CACNA1D: variants seen among roughly 807,000 people sequenced by gnomAD.
CACNA1D encodes the protein voltage-dependent L-type calcium channel subunit alpha-1D.
Under a neutral mutation model 257.1 loss-of-function variants are expected in CACNA1D, and 55 were observed. That is an observed-to-expected ratio of 0.21 (90% CI 0.17 to 0.27). CACNA1D has a LOEUF of 0.27. Ranked by LOEUF, CACNA1D falls within the 10% of genes least tolerant of loss-of-function variation. CACNA1D has a pLI of 1.00. For missense variants in CACNA1D, 1,876 were observed against 2,784.0 expected (o/e 0.67, Z 7.34); for synonymous variants, 980 against 1,014.9 (o/e 0.97, Z 0.65).
At position 53,723,543 on chromosome 3, in the gene CACNA1D, C is replaced by T. The variant is rs1375926970; in HGVS notation, c.1776C>T (p.Cys592=). The part of the protein sequence containing the change: ...YFVSLFNRFD[C]FVVCGGITET... Reference sequence around the variant, plus strand: ...TCTCTCTTTTCAACCGGTTTGATTGCTTCGTGGTGTGTGGTGGAATCACTG... The same window carrying T: ...TCTCTCTTTTCAACCGGTTTGATTGTTTCGTGGTGTGTGGTGGAATCACTG... The change falls in exon 13 of 48, where the codon TGC becomes TGT. Residue 592 remains cysteine, a synonymous_variant. Transcript: ENST00000350061. This position sits in a 1 kb window ranked among gnomAD's most constrained non-coding sequence, Gnocchi z 5.6. 1 of 1,614,030 alleles carries T rather than the reference C, an allele frequency of 6.2e-7. No individual in the cohort carries two copies.
At chr3:53,526,445 C>T (rs1360027666) in intron 3 of CACNA1D, among the ~76,000 whole-genome samples, 10 of 152,140 alleles carry the variant, frequency 6.6e-5, no homozygotes, top group African/African-American at 1.4e-4. Context: ...GTTTTAGCTG[C>T]ACTGTGGATT....
intron 35 of CACNA1D, 91 bp downstream of exon 35, chr3:53,776,136 C>A: frequency 5.0e-6 from 6 of 1,196,302 alleles, no homozygotes; most frequent in Non-Finnish European, 6.2e-6. Context: ...GTCCCATCGC[C>A]TGAGGACAAT....
chr3:53,520,542 G>A (rs1014926300), intron 3 of CACNA1D, among the ~76,000 whole-genome samples: 5 of 152,160 alleles, frequency 3.3e-5, no homozygotes, highest in East Asian at 1.9e-4. Context: ...AAGGCGGGTC[G>A]GTCACCTGAG....
intron 47 of CACNA1D, chr3:53,810,499 G>T: frequency 1.6e-6 from 1 of 638,096 alleles, no homozygotes; most frequent in Non-Finnish European, 2.8e-6. Context: ...GCTTACGTCT[G>T]TAATCTCAGC....
intron 30 of CACNA1D, chr3:53,762,784 T>G (rs373358967): frequency 2.8e-6 from 1 of 361,100 alleles, no homozygotes; most frequent in East Asian, 7.4e-5. Context: ...TGTAGTTTCC[T>G]CTATCTCACC....
chr3:53,639,327 G>T (rs903326591), intron 3 of CACNA1D, among the ~76,000 whole-genome samples: 32 of 151,556 alleles, frequency 2.1e-4, no homozygotes, highest in Middle Eastern at 3.4e-3. Context: ...GTCCAGGCAT[G>T]CAAGTAGTAT....
At chr3:53,608,458 T>C (rs1358671358) in intron 3 of CACNA1D, among the ~76,000 whole-genome samples, 1 of 152,208 alleles carries the variant, frequency 6.6e-6, no homozygotes, top group East Asian at 1.9e-4. Flanking sequence ...TTATAATCGG[T>C]AAGCCTTTAA....
In CACNA1D at chr3:53,582,653, A is replaced by G. The variant is rs1315475484; in HGVS notation, c.484-68126A>G. Among the ~76,000 whole-genome samples, 5 of 152,214 alleles carry G rather than the reference A, an allele frequency of 3.3e-5. No homozygotes were observed. In the East Asian group the frequency reaches 9.7e-4, roughly 29 times the overall value. On this transcript the variant is annotated intron_variant, in intron 3 of 47. Transcript: ENST00000350061. ...AGGATTCTCAGGATCTGGTTGCTCA[A>G]TAGCAGCAAGTTGAGTTCTGCACCT...
intron 9 of CACNA1D, among the ~76,000 whole-genome samples, chr3:53,717,734 C>T (rs748525590): frequency 1.8e-4 from 27 of 152,150 alleles, no homozygotes; most frequent in Non-Finnish European, 3.4e-4. Flanking sequence ...TTCACAAGCT[C>T]AGCAGAACTT....
At chr3:53,543,150 A>AAATG (rs2092340448) in intron 3 of CACNA1D, among the ~76,000 whole-genome samples, 1 of 151,598 alleles carries the variant, frequency 6.6e-6, no homozygotes, top group South Asian at 2.1e-4. Context: ...ATAAATAAAT[A>AAATG]AATGAAGAAG....
At chr3:53,770,059 T>A (rs944035572) in intron 31 of CACNA1D, 42 bp downstream of exon 31, 2 of 1,497,184 alleles carry the variant, frequency 1.3e-6, no homozygotes, top group Middle Eastern at 1.7e-4. Context: ...GCCTTTTCCT[T>A]AAGTTTATTT....
At chr3:53,750,834 G>T (rs1370228006) in intron 27 of CACNA1D, among the ~76,000 whole-genome samples, 1 of 152,204 alleles carries the variant, frequency 6.6e-6, no homozygotes. Flanking sequence ...AGCGGGGGTA[G>T]GTCTAGGCTC....
rs1346395734 is a variant in CACNA1D at position 53,494,687 on chromosome 3, C to A, written c.-480C>A. On this transcript the variant is annotated 5_prime_UTR_variant, in exon 1 of 48. Transcript: ENST00000350061. ...GCGCCTCCGTCCCCGGATGTGAGCTCCGGCTGCCCGCGGTCCCGAGCCAGC... is the reference window on the plus strand; with the variant it reads ...GCGCCTCCGTCCCCGGATGTGAGCTACGGCTGCCCGCGGTCCCGAGCCAGC... 3.4e-5 allele frequency: 5 copies of A among 145,798 alleles called. No homozygotes were observed. The highest frequency in any genetic ancestry group is 1.8e-4 in the South Asian group (1 of 5,484). The allele number at this position is 145,798 out of a possible 1,614,324, so 9.0% of individuals were successfully genotyped here.
chr3:53,691,909 T>C (rs372476681), intron 8 of CACNA1D, among the ~76,000 whole-genome samples: 62 of 62,538 alleles, frequency 9.9e-4, no homozygotes, highest in Non-Finnish European at 1.7e-3. Context: ...ACATATATTA[T>C]ATATAATATA....
intron 9 of CACNA1D, among the ~76,000 whole-genome samples, chr3:53,705,312 G>A: frequency 6.6e-6 from 1 of 152,148 alleles, no homozygotes; most frequent in East Asian, 1.9e-4. Context: ...CACAAACAAG[G>A]TGTGCGAAGT....
chr3:53,733,140 G>A lies in CACNA1D; in HGVS notation c.2621+178G>A, dbSNP rs571385907. On this transcript the variant is annotated intron_variant, in intron 19 of 47. Transcript: ENST00000350061. ...CCCTCTCTCCTCCACTGTTGCTCTT[G>A]CCCTCAGCTCATCTCTTCCTAGCTG... is the stretch of plus-strand genomic sequence containing the variant. Among the ~76,000 whole-genome samples, 42 of 152,308 alleles carry A rather than the reference G, an allele frequency of 2.8e-4. 1 individual carries two copies. The highest frequency in any genetic ancestry group is 2.5e-3 in the Admixed American group (38 of 15,298).
chr3:53,567,363 A>G (rs745544026), intron 3 of CACNA1D, among the ~76,000 whole-genome samples: 3 of 152,252 alleles, frequency 2.0e-5, no homozygotes, highest in Non-Finnish European at 4.4e-5. Flanking sequence ...TTCGTTGCTC[A>G]TCTCAGCTCC....
chr3:53,550,907 T>C (rs1311882816), intron 3 of CACNA1D, among the ~76,000 whole-genome samples: 1 of 152,238 alleles, frequency 6.6e-6, no homozygotes, highest in African/African-American at 2.4e-5. Flanking sequence ...ATTTGTTTAG[T>C]CAGCTCCCTC....
intron 3 of CACNA1D, among the ~76,000 whole-genome samples, chr3:53,570,941 C>T (rs556396140): frequency 3.3e-5 from 5 of 152,340 alleles, no homozygotes; most frequent in African/African-American, 1.2e-4. Flanking sequence ...ACTGGTCCAG[C>T]CAGGGTCAAG....
Sources: allele counts gnomAD v4.1 joint callset (sites outside exome capture counted in the v4.1 genomes callset), GRCh38; gene constraint gnomAD v4.1.1; non-coding constraint Gnocchi (gnomAD v3.1); transcripts MANE v1.5; gene names NCBI Gene and HGNC (gene_info 2026-07-23, HGNC 2026-07-21).